Variants in MAPK6 observed in about 807,000 individuals in gnomAD.
MAPK6 encodes ERK-3.
MAPK6 carries 19 observed loss-of-function variants against 59.3 expected under a neutral mutation model. The ratio of observed to expected loss-of-function variants is 0.32; its 90% CI spans 0.22 to 0.47. The LOEUF (loss-of-function observed/expected upper bound fraction) is 0.47. Ranked by LOEUF, MAPK6 falls within the 20% of genes least tolerant of loss-of-function variation. The probability of loss-of-function intolerance (pLI) is 1.00; values close to 1 mark genes in which losing one functional copy is unlikely to be tolerated. For missense variants in MAPK6, 724 were observed against 847.9 expected (o/e 0.85, Z 1.81); for synonymous variants, 316 against 290.3 (o/e 1.09, Z -0.90).
intron 3 of MAPK6, among the ~76,000 whole-genome samples, chr15:52,005,349 AC>A (rs2057255127): frequency 6.6e-6 from 1 of 151,994 alleles, no homozygotes; most frequent in South Asian, 2.1e-4. Flanking sequence ...ACATGGCAAA[AC>A]CCTGTCGCTA....
At chr15:52,040,033 G>C (rs772205436) in intron 1 of MAPK6, among the ~76,000 whole-genome samples, 2 of 152,204 alleles carry the variant, frequency 1.3e-5, no homozygotes, top group Non-Finnish European at 2.9e-5. Flanking sequence ...AAGGGCCCCT[G>C]ATAACTCTTA....
At chr15:52,053,759 C>T (rs2031866525) in intron 3 of MAPK6, among the ~76,000 whole-genome samples, 2 of 151,914 alleles carry the variant, frequency 1.3e-5, no homozygotes, top group South Asian at 4.2e-4. Context: ...CCTCCCTCAG[C>T]CTCCTGAGTA....
intron 3 of MAPK6, among the ~76,000 whole-genome samples, chr15:52,006,604 T>C (rs1040883743): frequency 6.6e-6 from 1 of 152,192 alleles, no homozygotes; most frequent in African/African-American, 2.4e-5. Flanking sequence ...ACAGCTATTC[T>C]TGTGTGCTTA....
chr15:51,998,189 G>A (rs1169880893), intron 2 of MAPK6, among the ~76,000 whole-genome samples: 2 of 151,538 alleles, frequency 1.3e-5, no homozygotes, highest in Admixed American at 6.6e-5. Flanking sequence ...TAATCCACCC[G>A]CCTTGGACTC....
Position 52,041,476 on chromosome 15 carries a change from G to A in MAPK6, c.-631-4354G>A, listed in dbSNP as rs201441028. Among the ~76,000 whole-genome samples, 12 of 152,340 alleles carry A rather than the reference G, an allele frequency of 7.9e-5. No homozygotes were observed. In the East Asian group the frequency reaches 1.7e-3, roughly 22 times the overall value. ...CTCCCAAAATGCTGGGATTACAGGC[G>A]TGAGCCACCGCGCCCGGCCTTAACT... On this transcript the variant is annotated intron_variant, in intron 1 of 5. Transcript: ENST00000261845.
At chr15:52,034,766 C>A (rs147117116) in intron 1 of MAPK6, among the ~76,000 whole-genome samples, 2,136 of 152,240 alleles carry the variant, frequency 0.014, 63 homozygotes, top group African/African-American at 0.05. Flanking sequence ...GGTGTGATCT[C>A]AGCTCACTAC....
intron 2 of MAPK6, among the ~76,000 whole-genome samples, chr15:51,994,727 T>G (rs1235388848): frequency 6.6e-6 from 1 of 152,190 alleles, no homozygotes; most frequent in Non-Finnish European, 1.5e-5. Context: ...ATGGGACAAA[T>G]TGACATCATG....
At chr15:52,016,108 A>AC (rs1233223251), upstream of MAPK6, among the ~76,000 whole-genome samples, 30 of 133,596 alleles carry the variant, frequency 2.2e-4, no homozygotes, top group Non-Finnish European at 2.8e-4. Context: ...ACACACACAC[A>AC]AACTAAAACT....
At chr15:52,042,648 G>A (rs1197873437) in intron 1 of MAPK6, 1 of 152,160 alleles carries the variant, frequency 6.6e-6, no homozygotes, top group Non-Finnish European at 1.5e-5. Flanking sequence ...GATAACAGTG[G>A]TGTAATTTTT....
Position 52,031,117 on chromosome 15 carries a change from G to C in MAPK6, c.-632+11741G>C, listed in dbSNP as rs138040276. On this transcript the variant is annotated intron_variant, in intron 1 of 5. Transcript: ENST00000261845. The stretch of plus-strand genomic sequence containing the variant: ...CCTTAATTTTTGTATTTTTAGTAGA[G>C]AGACAGGGTTTCCCCCTGTTGGCCA... 1.2e-3 allele frequency among the ~76,000 whole-genome samples: 179 copies of C among 152,074 alleles called. 1 individual carries two copies. Among genetic ancestry groups the C allele is most frequent in the African/African-American group, 4.2e-3 (174 of 41,482 alleles).
At chr15:52,016,070 G>GCGCGCA, upstream of MAPK6, among the ~76,000 whole-genome samples, 706 of 55,384 alleles carry the variant, frequency 0.013, 16 homozygotes, top group African/African-American at 0.025. Flanking sequence ...GCGCGCGCGC[G>GCGCGCA]CACACACACA....
chr15:52,050,747 T>G (rs969788000), intron 3 of MAPK6, among the ~76,000 whole-genome samples: 5 of 152,232 alleles, frequency 3.3e-5, no homozygotes, highest in Admixed American at 6.5e-5. Flanking sequence ...TTTCACTATT[T>G]AGAAGTAGCG....
At chr15:52,018,331 T>C (rs887272734), upstream of MAPK6, among the ~76,000 whole-genome samples, 8 of 152,174 alleles carry the variant, frequency 5.3e-5, no homozygotes, top group Admixed American at 1.3e-4. Flanking sequence ...GCCTGGCCCT[T>C]TGTGATCTTT....
chr15:52,051,109 G>C (rs1007961518), intron 3 of MAPK6, among the ~76,000 whole-genome samples: 1 of 151,908 alleles, frequency 6.6e-6, no homozygotes, highest in African/African-American at 2.4e-5. Context: ...CCAGGCTGGA[G>C]TGCAGTGGTG....
At chr15:52,024,736 G>A (rs1176672226) in intron 1 of MAPK6, 2 of 152,128 alleles carry the variant, frequency 1.3e-5, no homozygotes, top group Non-Finnish European at 2.9e-5. Flanking sequence ...TTGTAAATAA[G>A]AGGCACAATC....
upstream of MAPK6, among the ~76,000 whole-genome samples, chr15:52,016,070 GCACACACACA>G (rs1175427042): frequency 3.8e-4 from 21 of 55,436 alleles, no homozygotes; most frequent in South Asian, 1.1e-3. Context: ...GCGCGCGCGC[GCACACACACA>G]CACACACACA....
rs1178534312 is a variant in MAPK6 at position 52,064,818 on chromosome 15, C to T, written c.1984C>T (p.Leu662=). The T allele has an allele frequency of 1.9e-6, 3 of 1,611,944 alleles. No individual in the cohort carries two copies. Among genetic ancestry groups the T allele is most frequent in the Non-Finnish European group, 8.5e-7 (1 of 1,179,824 alleles). ...GGAGAGAGGACATGAGGAAGGATTT[C>T]TGAACAACAGTGGGGAGTTCCTCTT... ...LGERGHEEGF[L]NNSGEFLFNK... Residue 662 remains leucine (L), a synonymous_variant, in exon 6 of 6, where the codon CTG becomes TTG. Coordinates refer to ENST00000261845, the MANE Select transcript of MAPK6 (RefSeq NM_002748.4).
chr15:52,030,352 C>T (rs1263930530), intron 1 of MAPK6, among the ~76,000 whole-genome samples: 1 of 152,124 alleles, frequency 6.6e-6, no homozygotes, highest in Non-Finnish European at 1.5e-5. Flanking sequence ...TCAAACAGTG[C>T]CTGGCACATG....
chr15:52,024,323 G>T (rs1020953338), intron 1 of MAPK6, among the ~76,000 whole-genome samples: 1 of 151,984 alleles, frequency 6.6e-6, no homozygotes, highest in Non-Finnish European at 1.5e-5. Flanking sequence ...CTGGGAACTT[G>T]ATAGACGTTA....
Sources: gnomAD v4.1 joint callset for allele counts (sites outside exome capture counted in the v4.1 genomes callset) on GRCh38, gnomAD v4.1.1 for gene constraint, MANE v1.5 for transcripts, NCBI Gene and HGNC (gene_info 2026-07-23, HGNC 2026-07-21) for gene names.